CLIP1: variants seen among roughly 807,000 people sequenced by gnomAD.
CLIP1 encodes CAP-Gly domain containing linker protein 1, also known as CAP-Gly domain-containing linker protein 1.
CLIP1 carries 66 observed loss-of-function variants against 161.6 expected under a neutral mutation model. The observed-to-expected ratio is 0.41, with a 90% CI of 0.33 to 0.50. The LOEUF (loss-of-function observed/expected upper bound fraction) is 0.50. Ranked by LOEUF, CLIP1 falls within the 20% of genes least tolerant of loss-of-function variation. CLIP1 has a pLI of 0.27. For missense variants in CLIP1, 1,376 were observed against 1,702.0 expected (o/e 0.81, Z 3.37); for synonymous variants, 598 against 626.2 (o/e 0.96, Z 0.67).
intron 21 of CLIP1, among the ~76,000 whole-genome samples, chr12:122,286,777 T>C (rs1955873961): frequency 6.6e-6 from 1 of 151,782 alleles, no homozygotes; most frequent in African/African-American, 2.4e-5. Flanking sequence ...GGCAGGCGGA[T>C]CACGACGTCA....
At chr12:122,336,175 TTTAA>T (rs1337211965) in intron 12 of CLIP1, among the ~76,000 whole-genome samples, 2 of 152,196 alleles carry the variant, frequency 1.3e-5, no homozygotes, top group African/African-American at 4.8e-5. Context: ...TTAGATTTAT[TTTAA>T]TTTATTTAAT....
chr12:122,383,872 A>T (rs1955120583), intron 1 of CLIP1, among the ~76,000 whole-genome samples: 1 of 152,144 alleles, frequency 6.6e-6, no homozygotes, highest in African/African-American at 2.4e-5. Context: ...TTGCCTCACT[A>T]ATAAGCTGAG....
At chr12:122,303,881 G>A (rs76890161) in intron 20 of CLIP1, among the ~76,000 whole-genome samples, 15,685 of 152,148 alleles carry the variant, frequency 0.1, 2,644 homozygotes, top group African/African-American at 0.35. Context: ...AAAGCTCTGC[G>A]ATGCTTGAGG....
chr12:122,322,283 AG>A (rs1354292525), intron 17 of CLIP1: 1 of 152,658 alleles, frequency 6.6e-6, no homozygotes, highest in Non-Finnish European at 1.5e-5. Flanking sequence ...GCTTTCTGCC[AG>A]GGTTTCCTTC....
Position 122,273,109 on chromosome 12 carries a change from G to T in CLIP1, c.4092-9C>A, listed in dbSNP as rs771930036. 6.2e-7 allele frequency: 1 copy of T among 1,604,930 alleles called. No homozygotes were observed. The highest frequency in any genetic ancestry group is 2.2e-5 in the East Asian group (1 of 44,688). On this transcript the variant is annotated splice_polypyrimidine_tract_variant and intron_variant, in intron 25 of 25. Coordinates refer to ENST00000620786, the MANE Select transcript of CLIP1 (RefSeq NM_001247997.2). ...GTTTCTCCTGATCATCACTACAAAT[G>T]TTAATGTGTGAAATCAGAAAATTTA... is the stretch of plus-strand genomic sequence containing the variant.
intron 3 of CLIP1, among the ~76,000 whole-genome samples, chr12:122,374,991 T>C (rs976946395): frequency 2.6e-4 from 40 of 152,088 alleles, no homozygotes; most frequent in Non-Finnish European, 4.6e-4. Context: ...GTCAGTCAAA[T>C]TGTCCAAGAA....
intron 1 of CLIP1, among the ~76,000 whole-genome samples, chr12:122,421,823 G>C (rs1217306976): frequency 1.3e-5 from 2 of 152,184 alleles, no homozygotes; most frequent in Non-Finnish European, 2.9e-5. Context: ...GGTTCTGCTT[G>C]TAAAATAACC....
At chr12:122,347,578 C>A in intron 9 of CLIP1, 99 bp from the exon 10 acceptor site, 1 of 867,470 alleles carries the variant, frequency 1.2e-6, no homozygotes, top group South Asian at 1.4e-5. Flanking sequence ...CCACCAGTAC[C>A]TTCTGCCAAA....
intron 19 of CLIP1, among the ~76,000 whole-genome samples, chr12:122,316,273 C>T (rs569159186): frequency 2.6e-5 from 4 of 151,686 alleles, no homozygotes; most frequent in East Asian, 2.0e-4. Context: ...TGCAGTGGCA[C>T]GATTATGGCT....
chr12:122,290,536 A>C (rs961895361), intron 20 of CLIP1, among the ~76,000 whole-genome samples: 6 of 152,208 alleles, frequency 3.9e-5, no homozygotes, highest in Non-Finnish European at 8.8e-5. Flanking sequence ...TTATAATTTA[A>C]AAGTTAAAAA....
intron 9 of CLIP1, among the ~76,000 whole-genome samples, chr12:122,350,608 C>T (rs774457354): frequency 4.6e-5 from 7 of 151,840 alleles, no homozygotes; most frequent in Admixed American, 2.0e-4. Context: ...TGGCCAGTGG[C>T]GGGGGCACAC....
At chr12:122,340,242 G>C (rs911700873) in intron 11 of CLIP1, among the ~76,000 whole-genome samples, 1 of 152,038 alleles carries the variant, frequency 6.6e-6, no homozygotes, top group African/African-American at 2.4e-5. Context: ...CACCATGCCA[G>C]GCTAATTTTG....
chr12:122,288,997 T>C lies in CLIP1; in HGVS notation c.3595-456A>G, dbSNP rs566946070. ...CGCCCGGCTAATTTTTTGTATTTTTTAGTAGAGACGGGTTTTCACCGTCTT... is the reference window on the plus strand; with the variant it reads ...CGCCCGGCTAATTTTTTGTATTTTTCAGTAGAGACGGGTTTTCACCGTCTT... On this transcript the variant is annotated intron_variant, in intron 20 of 25. Transcript: ENST00000620786. Among the ~76,000 whole-genome samples, 4 of 151,236 alleles carry C rather than the reference T, an allele frequency of 2.6e-5. No individual in the cohort carries two copies. The East Asian group carries it at 5.9e-4, about 22-fold the overall frequency.
chr12:122,354,383 A>T, intron 7 of CLIP1, 70 bp downstream of exon 7: 1 of 1,154,016 alleles, frequency 8.7e-7, no homozygotes, highest in Non-Finnish European at 1.3e-6. Context: ...CAACAGAGCT[A>T]GACTCTGTCT....
At chr12:122,320,398 G>A (rs1951446859) in intron 17 of CLIP1, among the ~76,000 whole-genome samples, 1 of 152,012 alleles carries the variant, frequency 6.6e-6, no homozygotes, top group Admixed American at 6.6e-5. Flanking sequence ...AGCCCAGGAG[G>A]TGGAAAGTAG....
chr12:122,308,620 C>T (rs1398886529), intron 20 of CLIP1, among the ~76,000 whole-genome samples: 1 of 152,160 alleles, frequency 6.6e-6, no homozygotes, highest in East Asian at 1.9e-4. Flanking sequence ...TTTGTGCTTC[C>T]GTTTCCCCTT....
chr12:122,347,573 A>G, intron 9 of CLIP1, 94 bp from the exon 10 acceptor site: 3 of 908,458 alleles, frequency 3.3e-6, no homozygotes, highest in Non-Finnish European at 3.6e-6. Flanking sequence ...CTGAGCCACC[A>G]GTACCTTCTG....
Position 122,372,984 on chromosome 12 carries a change from G to A in CLIP1, c.657+4405C>T, listed in dbSNP as rs372183930. Among the ~76,000 whole-genome samples, 78 of 152,222 alleles carry A rather than the reference G, an allele frequency of 5.1e-4. No individual in the cohort carries two copies. In the East Asian group the frequency reaches 8.3e-3, roughly 16 times the overall value. Reference sequence around the variant, plus strand: ...ACCGATAAGAGGATTGAGAAAAACAGAAAAAATCGAATTATTAGGTGCAGC... The same window carrying A: ...ACCGATAAGAGGATTGAGAAAAACAAAAAAAATCGAATTATTAGGTGCAGC... On this transcript the variant is annotated intron_variant, in intron 3 of 25. Coordinates refer to ENST00000620786, the MANE Select transcript of CLIP1 (RefSeq NM_001247997.2).
chr12:122,357,749 G>A (rs1336651343), intron 5 of CLIP1, among the ~76,000 whole-genome samples: 8 of 145,900 alleles, frequency 5.5e-5, no homozygotes, highest in Admixed American at 2.0e-4. Flanking sequence ...GCCTCTGCCC[G>A]GCCGCCCCTA....
Sources: gnomAD v4.1 joint callset for allele counts (sites outside exome capture counted in the v4.1 genomes callset) on GRCh38, gnomAD v4.1.1 for gene constraint, MANE v1.5 for transcripts, NCBI Gene and HGNC (gene_info 2026-07-23, HGNC 2026-07-21) for gene names.